The following CSMD3 variants were observed in gnomAD, a reference collection of about 807,000 sequenced individuals.
CSMD3 encodes CUB and sushi domain-containing protein 3.
CSMD3 carries 177 observed loss-of-function variants against 435.2 expected under a neutral mutation model. That is an observed-to-expected ratio of 0.41 (90% CI 0.36 to 0.46). The LOEUF (loss-of-function observed/expected upper bound fraction) is 0.46, where lower values mean the gene tolerates loss of function less well. Ranked by LOEUF, CSMD3 falls within the 20% of genes least tolerant of loss-of-function variation. The pLI is 0.34. For synonymous variants in CSMD3, 1,656 were observed against 1,520.5 expected (o/e 1.09, Z -2.07); for missense variants, 4,265 against 4,504.6 (o/e 0.95, Z 1.52).
rs1812393906 is a variant in CSMD3 at position 112,224,448 on chromosome 8, T to C, written c.*323A>G. On this transcript the variant is annotated 3_prime_UTR_variant, in exon 71 of 71. Coordinates refer to ENST00000297405, the MANE Select transcript of CSMD3 (RefSeq NM_198123.2). ...AACCCAGTCCCTCTAATATAGTTTATAAAGCACAGAAATACTGATAGTGGA... is the reference window on the plus strand; with the variant it reads ...AACCCAGTCCCTCTAATATAGTTTACAAAGCACAGAAATACTGATAGTGGA... 1 of 366,594 alleles carries C rather than the reference T, an allele frequency of 2.7e-6. No individual in the cohort carries two copies. Among genetic ancestry groups the C allele is most frequent in the Non-Finnish European group, 5.3e-6 (1 of 190,476 alleles). The allele number at this position is 366,594 out of a possible 1,614,324, so 22.7% of individuals were successfully genotyped here. A position where few individuals can be genotyped will look rare whatever the true frequency, so the allele number is the denominator to read the frequency against.
chr8:113,026,917 A>G (rs1233037810), intron 5 of CSMD3, among the ~76,000 whole-genome samples: 1 of 152,150 alleles, frequency 6.6e-6, no homozygotes, highest in Non-Finnish European at 1.5e-5. Context: ...ATATTATATA[A>G]TCTATGTTCT....
At chr8:112,983,711 G>A (rs181310147) in intron 6 of CSMD3, among the ~76,000 whole-genome samples, 2 of 151,618 alleles carry the variant, frequency 1.3e-5, no homozygotes, top group Admixed American at 1.3e-4. Flanking sequence ...TTTTATTGAG[G>A]CATTTATCAT....
At chr8:112,785,302 A>C (rs1032648915) in intron 13 of CSMD3, among the ~76,000 whole-genome samples, 1 of 151,994 alleles carries the variant, frequency 6.6e-6, no homozygotes, top group Admixed American at 6.6e-5. Flanking sequence ...CAGGTAGTAT[A>C]ATACTAAATA....
chr8:113,053,784 G>T (rs2088199504), intron 5 of CSMD3, among the ~76,000 whole-genome samples: 1 of 151,960 alleles, frequency 6.6e-6, no homozygotes, highest in South Asian at 2.1e-4. Flanking sequence ...TAATGTATCT[G>T]GTTTTATTTA....
chr8:113,148,154 C>G (rs980480039), intron 4 of CSMD3, among the ~76,000 whole-genome samples: 1 of 151,646 alleles, frequency 6.6e-6, no homozygotes, highest in African/African-American at 2.4e-5. Flanking sequence ...CCATATCTTC[C>G]ATTCCACAGC....
At chr8:112,599,690 T>TA (rs994536132) in intron 22 of CSMD3, among the ~76,000 whole-genome samples, 1 of 151,204 alleles carries the variant, frequency 6.6e-6, no homozygotes, top group African/African-American at 2.4e-5. Context: ...TATGCAGCCA[T>TA]AAAAAATGAT....
intron 1 of CSMD3, among the ~76,000 whole-genome samples, chr8:113,434,815 T>G (rs1300976078): frequency 6.6e-6 from 1 of 152,208 alleles, no homozygotes; most frequent in Non-Finnish European, 1.5e-5. Context: ...GGGCTCTAAT[T>G]GCAGGCGGCG....
intron 35 of CSMD3, 88 bp from the exon 36 acceptor site, chr8:112,390,876 G>T: frequency 8.3e-7 from 1 of 1,199,654 alleles, no homozygotes; most frequent in Non-Finnish European, 1.2e-6. Flanking sequence ...ATCTTAGACA[G>T]ATACTAGACT....
At chr8:112,831,514 C>A (rs930066960) in intron 11 of CSMD3, among the ~76,000 whole-genome samples, 1 of 150,352 alleles carries the variant, frequency 6.7e-6, no homozygotes. Context: ...CATTCGTGTA[C>A]ATTGAATGCA....
At chr8:113,343,785 A>C (rs1452845093) in intron 1 of CSMD3, among the ~76,000 whole-genome samples, 1 of 152,054 alleles carries the variant, frequency 6.6e-6, no homozygotes, top group East Asian at 1.9e-4. Context: ...AAATAATTGC[A>C]CTCAAGCCGG....
chr8:112,690,675 T>C (rs1455888936), intron 13 of CSMD3, among the ~76,000 whole-genome samples: 1 of 151,152 alleles, frequency 6.6e-6, no homozygotes, highest in Non-Finnish European at 1.5e-5. Flanking sequence ...TTAATAAATG[T>C]TTCTTGGATG....
At position 112,682,718 on chromosome 8, in the gene CSMD3, G is replaced by T; in HGVS notation, c.2483-82C>A. The stretch of plus-strand genomic sequence containing the variant: ...ATCCTTCTATATTTTGGAAAAGAGA[G>T]AGAGAGAAAGAGATATTTTAAAAGG... On this transcript the variant is annotated intron_variant, in intron 15 of 70. Coordinates refer to ENST00000297405, the MANE Select transcript of CSMD3 (RefSeq NM_198123.2). 10 of 921,632 alleles carry T rather than the reference G, an allele frequency of 1.1e-5. No individual in the cohort carries two copies. The South Asian group carries it at 1.3e-4, about 12-fold the overall frequency. 57.1% of individuals were successfully genotyped at this position (921,632 alleles called of 1,614,324 possible).
chr8:113,255,366 A>C (rs900865928), intron 3 of CSMD3, among the ~76,000 whole-genome samples: 70 of 152,238 alleles, frequency 4.6e-4, no homozygotes, highest in African/African-American at 1.6e-3. Context: ...TATAAAATGA[A>C]AACTTTTGCT....
At chr8:113,225,981 A>G (rs1392557559) in intron 3 of CSMD3, among the ~76,000 whole-genome samples, 1 of 151,358 alleles carries the variant, frequency 6.6e-6, no homozygotes, top group African/African-American at 2.4e-5. Context: ...ATGGTTTTAT[A>G]AAGGGCTTTT....
intron 59 of CSMD3, among the ~76,000 whole-genome samples, chr8:112,267,025 CTCTT>C (rs960607459): frequency 2.6e-5 from 4 of 152,008 alleles, no homozygotes; most frequent in African/African-American, 9.7e-5. Flanking sequence ...CTGTCTACTC[CTCTT>C]TCTGTCTTTT....
chr8:112,651,010 T>C (rs781669289), intron 18 of CSMD3, among the ~76,000 whole-genome samples: 14 of 152,308 alleles, frequency 9.2e-5, no homozygotes, highest in South Asian at 6.2e-4. Flanking sequence ...TCCTGTGCAT[T>C]GGAGTACTTT....
At position 113,241,405 on chromosome 8, in the gene CSMD3, A is replaced by G. The variant is rs2093215151; in HGVS notation, c.514+37187T>C. Among the ~76,000 whole-genome samples, 3 of 152,088 alleles carry G rather than the reference A, an allele frequency of 2.0e-5. No individual in the cohort carries two copies. In the South Asian group the frequency reaches 6.2e-4, roughly 31 times the overall value. ...CAGTGGGTCCCTGAAAAGATAAGAGAGAAATAACAATAGCTATGCCTACGT... is the reference window on the plus strand; with the variant it reads ...CAGTGGGTCCCTGAAAAGATAAGAGGGAAATAACAATAGCTATGCCTACGT... On this transcript the variant is annotated intron_variant, in intron 3 of 70. Coordinates refer to ENST00000297405, the MANE Select transcript of CSMD3 (RefSeq NM_198123.2).
intron 3 of CSMD3, among the ~76,000 whole-genome samples, chr8:113,254,375 G>A (rs1164444864): frequency 2.0e-5 from 3 of 152,204 alleles, no homozygotes; most frequent in Non-Finnish European, 2.9e-5. Context: ...CAGGGTCCAG[G>A]CGTGTTCAGC....
chr8:113,190,503 C>T (rs748022237), intron 3 of CSMD3, among the ~76,000 whole-genome samples: 2 of 151,730 alleles, frequency 1.3e-5, no homozygotes, highest in Non-Finnish European at 2.9e-5. Flanking sequence ...GAGGGAAAGA[C>T]TGAGATGAAA....
Sources: gnomAD v4.1 joint callset for allele counts (sites outside exome capture counted in the v4.1 genomes callset) on GRCh38, gnomAD v4.1.1 for gene constraint, MANE v1.5 for transcripts, NCBI Gene and HGNC (gene_info 2026-07-23, HGNC 2026-07-21) for gene names.